RAPGEF5: variants seen among roughly 807,000 people sequenced by gnomAD.
RAPGEF5 encodes M-Ras-regulated GEF.
In RAPGEF5, 65 loss-of-function variants were observed where a neutral mutation model predicts 125.2. The observed-to-expected ratio is 0.52, with a 90% CI of 0.43 to 0.64. The LOEUF (loss-of-function observed/expected upper bound fraction) is 0.64. RAPGEF5 is among the 30% of genes least tolerant of loss of function. RAPGEF5 has a pLI of 0.00. For synonymous variants in RAPGEF5, 391 were observed against 385.9 expected (o/e 1.01, Z -0.16); for missense variants, 958 against 1,048.1 (o/e 0.91, Z 1.19).
At chr7:22,152,816 G>A (rs1783671673) in intron 17 of RAPGEF5, among the ~76,000 whole-genome samples, 1 of 152,086 alleles carries the variant, frequency 6.6e-6, no homozygotes, top group African/African-American at 2.4e-5. Context: ...ATTGTTTGGG[G>A]GATAAAAAGA....
At position 22,121,499 on chromosome 7, in the gene RAPGEF5, G is replaced by A. The variant is rs1782582643; in HGVS notation, c.*907C>T. On this transcript the variant is annotated 3_prime_UTR_variant, in exon 26 of 26. Coordinates refer to ENST00000665637, the MANE Select transcript of RAPGEF5 (RefSeq NM_012294.5). ...ATGAGGTACGCAAAATGCATCATCA[G>A]GCACAAGAATGCAGACTTTTGTGAC... is the stretch of plus-strand genomic sequence containing the variant. 6.6e-6 allele frequency: 1 copy of A among 152,180 alleles called. No homozygotes were observed. Among genetic ancestry groups the A allele is most frequent in the Non-Finnish European group, 1.5e-5 (1 of 68,036 alleles). The allele number at this position is 152,180 out of a possible 1,614,324, so 9.4% of individuals were successfully genotyped here.
At chr7:22,231,001 G>T in intron 7 of RAPGEF5, 82 bp from the exon 8 acceptor site, 1 of 1,320,796 alleles carries the variant, frequency 7.6e-7, no homozygotes, top group Non-Finnish European at 1.1e-6. Flanking sequence ...TCGCAATTTA[G>T]CGGGAAAAAA....
intron 1 of RAPGEF5, among the ~76,000 whole-genome samples, chr7:22,328,629 C>T (rs915530987): frequency 6.6e-6 from 1 of 152,176 alleles, no homozygotes; most frequent in Non-Finnish European, 1.5e-5. Context: ...CATCTGTTAC[C>T]AACTCAAAGC....
At chr7:22,135,542 T>G (rs1033177401) in intron 23 of RAPGEF5, among the ~76,000 whole-genome samples, 1 of 152,198 alleles carries the variant, frequency 6.6e-6, no homozygotes, top group African/African-American at 2.4e-5. Context: ...ATTCCACTCC[T>G]GAAGAAAGGA....
intron 11 of RAPGEF5, among the ~76,000 whole-genome samples, chr7:22,173,022 G>A (rs901642854): frequency 6.6e-6 from 1 of 152,154 alleles, no homozygotes; most frequent in Admixed American, 6.5e-5. Flanking sequence ...ACTATTAGCC[G>A]TTTTGTTTCA....
intron 8 of RAPGEF5, among the ~76,000 whole-genome samples, chr7:22,225,757 G>A (rs1169129131): frequency 6.6e-6 from 1 of 151,942 alleles, no homozygotes. Context: ...ACCTAACACT[G>A]CTAAGCCAGA....
At chr7:22,352,599 T>A (rs1784350787) in intron 1 of RAPGEF5, among the ~76,000 whole-genome samples, 1 of 152,102 alleles carries the variant, frequency 6.6e-6, no homozygotes, top group Non-Finnish European at 1.5e-5. Context: ...CCAAAAAGGA[T>A]ATTGACTGAA....
intron 5 of RAPGEF5, 84 bp from the exon 6 acceptor site, chr7:22,291,325 T>A: frequency 2.7e-6 from 4 of 1,460,930 alleles, no homozygotes; most frequent in Non-Finnish European, 3.6e-6. Context: ...AAAGGGCAAA[T>A]AATGTCATTG....
intron 1 of RAPGEF5, among the ~76,000 whole-genome samples, chr7:22,353,817 G>A (rs1421516098): frequency 6.6e-6 from 1 of 152,102 alleles, no homozygotes; most frequent in East Asian, 1.9e-4. Context: ...GAGGAACCAA[G>A]GAACTCAGGC....
chr7:22,254,979 C>T (rs1178727344), intron 7 of RAPGEF5, among the ~76,000 whole-genome samples: 1 of 152,050 alleles, frequency 6.6e-6, no homozygotes, highest in Admixed American at 6.5e-5. Flanking sequence ...ACCAAACCAT[C>T]GACCAGAGAT....
Position 22,122,040 on chromosome 7 carries a change from C to T in RAPGEF5, c.*366G>A, listed in dbSNP as rs964007978. The T allele has an allele frequency of 3.7e-5, 7 of 191,444 alleles. No individual in the cohort carries two copies. The highest frequency in any genetic ancestry group is 3.5e-4 in the East Asian group (3 of 8,492). The allele number at this position is 191,444 out of a possible 1,614,324, so 11.9% of individuals were successfully genotyped here. A position where few individuals can be genotyped will look rare whatever the true frequency, so the allele number is the denominator to read the frequency against. On this transcript the variant is annotated 3_prime_UTR_variant, in exon 26 of 26. Transcript: ENST00000665637. ...TAAAAACTCCTTCCTGTTTCATGCA[C>T]GCTCTTAATGAAATATTTGGTCATT...
chr7:22,175,509 GA>G (rs1420803967), intron 11 of RAPGEF5, among the ~76,000 whole-genome samples: 2 of 152,150 alleles, frequency 1.3e-5, no homozygotes, highest in African/African-American at 2.4e-5. Flanking sequence ...TAACTGTACA[GA>G]TTAGAATGTG....
chr7:22,285,374 T>C (rs1798806), intron 6 of RAPGEF5, among the ~76,000 whole-genome samples: 77,059 of 151,970 alleles, frequency 0.51, 20,614 homozygotes, highest in East Asian at 0.69. Context: ...TACCCCCAGA[T>C]CTTGCTGACT....
rs1248478598 is a variant in RAPGEF5, at chr7:22,291,255, AAAG to A, written c.681-17_681-15del. On this transcript the variant is annotated splice_polypyrimidine_tract_variant and intron_variant, in intron 5 of 25. Transcript: ENST00000665637. ...TTCTGATGAGACCTAAAAAAAAAAA[AAAG>A]AACAAATTACTTTTCAGTTTTAGTT... 1 of 1,526,120 alleles carries A rather than the reference AAAG, an allele frequency of 6.6e-7. No homozygotes were observed. Among genetic ancestry groups the A allele is most frequent in the Non-Finnish European group, 8.8e-7 (1 of 1,142,570 alleles). The allele number at this position is 1,526,120 out of a possible 1,614,324, so 94.5% of individuals were successfully genotyped here. A position where few individuals can be genotyped will look rare whatever the true frequency, so the allele number is the denominator to read the frequency against.
intron 7 of RAPGEF5, among the ~76,000 whole-genome samples, chr7:22,236,635 C>G (rs1046016555): frequency 1.3e-5 from 2 of 152,180 alleles, no homozygotes; most frequent in Admixed American, 1.3e-4. Flanking sequence ...AATGATTCCA[C>G]CTGTCATCCT....
chr7:22,218,154 G>A (rs1432377521), intron 9 of RAPGEF5, among the ~76,000 whole-genome samples: 3 of 152,092 alleles, frequency 2.0e-5, no homozygotes, highest in Non-Finnish European at 4.4e-5. Flanking sequence ...CACAGGAAGT[G>A]TAGATTTCTA....
intron 11 of RAPGEF5, among the ~76,000 whole-genome samples, chr7:22,189,226 A>G (rs986494130): frequency 1.3e-5 from 2 of 152,078 alleles, no homozygotes; most frequent in African/African-American, 4.8e-5. Flanking sequence ...AGGAAATGGG[A>G]AATAACATAT....
At chr7:22,272,649 A>C (rs1782462556) in intron 6 of RAPGEF5, among the ~76,000 whole-genome samples, 3 of 152,192 alleles carry the variant, frequency 2.0e-5, no homozygotes, top group Admixed American at 2.0e-4. Flanking sequence ...TTTTATTCCC[A>C]AAAAATATAC....
In RAPGEF5 at chr7:22,253,498, A is replaced by C. The variant is rs113432289; in HGVS notation, c.796+13466T>G. ...AGTCTTGGGAAATGTACGTGGTTGAAAATACCACCAAAAAATAAGCATAAA... is the reference window on the plus strand; with the variant it reads ...AGTCTTGGGAAATGTACGTGGTTGACAATACCACCAAAAAATAAGCATAAA... On this transcript the variant is annotated intron_variant, in intron 7 of 25. Coordinates refer to ENST00000665637, the MANE Select transcript of RAPGEF5 (RefSeq NM_012294.5). 3.1e-3 allele frequency among the ~76,000 whole-genome samples: 476 copies of C among 152,328 alleles called. 4 individuals carry two copies. The highest frequency in any genetic ancestry group is 0.01 in the Middle Eastern group (3 of 294).
Sources: gnomAD v4.1 joint callset for allele counts (sites outside exome capture counted in the v4.1 genomes callset) on GRCh38, gnomAD v4.1.1 for gene constraint, MANE v1.5 for transcripts, NCBI Gene and HGNC (gene_info 2026-07-23, HGNC 2026-07-21) for gene names.